The following PTPRG variants were observed in gnomAD, a reference collection of about 807,000 sequenced individuals.
The protein encoded by PTPRG is receptor-type tyrosine-protein phosphatase gamma.
A neutral mutation model predicts 165.3 loss-of-function variants in PTPRG; 102 were observed. The observed-to-expected ratio is 0.62, with a 90% CI of 0.53 to 0.73. The LOEUF is 0.73. Among genes scored for constraint, PTPRG ranks in the 30% least tolerant of loss-of-function variants. PTPRG has a pLI of 0.00. For missense variants in PTPRG, 1,866 were observed against 1,861.4 expected (o/e 1.00, Z -0.05); for synonymous variants, 675 against 669.5 (o/e 1.01, Z -0.13).
rs558123797 is a variant in PTPRG at position 62,112,842 on chromosome 3, A to C, written c.616-19760A>C. Among the ~76,000 whole-genome samples, 3 of 152,322 alleles carry C rather than the reference A, an allele frequency of 2.0e-5. No individual in the cohort carries two copies. In the South Asian group the frequency reaches 6.2e-4, roughly 32 times the overall value. Reference sequence around the variant, plus strand: ...AATGGGAAAGAAAAACAGCAACTCAAACCTGAGGTGACTTCTCCAGTTTGG... The same window carrying C: ...AATGGGAAAGAAAAACAGCAACTCACACCTGAGGTGACTTCTCCAGTTTGG... On this transcript the variant is annotated intron_variant, in intron 5 of 29. Coordinates refer to ENST00000474889, the MANE Select transcript of PTPRG (RefSeq NM_002841.4).
At chr3:61,861,503 G>A (rs1198345202) in intron 2 of PTPRG, among the ~76,000 whole-genome samples, 1 of 152,218 alleles carries the variant, frequency 6.6e-6, no homozygotes, top group Non-Finnish European at 1.5e-5. Context: ...CAAAGCTTTG[G>A]AGAAGTGCTT....
At position 61,933,736 on chromosome 3, in the gene PTPRG, T is replaced by A. The variant is rs562946476; in HGVS notation, c.191-55889T>A. Among the ~76,000 whole-genome samples, 202 of 152,296 alleles carry A rather than the reference T, an allele frequency of 1.3e-3. 1 individual carries two copies. Among genetic ancestry groups the A allele is most frequent in the African/African-American group, 4.7e-3 (197 of 41,560 alleles). ...GTTTCCTCTCCATTTTCTAGAGTGT[T>A]TTTTAGATACTGTATCTCACCAGTA... On this transcript the variant is annotated intron_variant, in intron 2 of 29. Coordinates refer to ENST00000474889, the MANE Select transcript of PTPRG (RefSeq NM_002841.4).
intron 1 of PTPRG, among the ~76,000 whole-genome samples, chr3:61,652,325 A>T (rs939754625): frequency 6.6e-5 from 10 of 152,100 alleles, no homozygotes; most frequent in Admixed American, 2.6e-4. Context: ...AATAAAAAAT[A>T]AAATGAAGAA....
intron 1 of PTPRG, among the ~76,000 whole-genome samples, chr3:61,670,391 A>G (rs960131998): frequency 2.2e-4 from 34 of 152,184 alleles, no homozygotes; most frequent in Admixed American, 1.5e-3. Context: ...TAGCTTTCAG[A>G]CATACCTGAG....
chr3:62,046,169 T>G, intron 4 of PTPRG, among the ~76,000 whole-genome samples: 1 of 152,202 alleles, frequency 6.6e-6, no homozygotes, highest in African/African-American at 2.4e-5. Flanking sequence ...GAAGGCCAGT[T>G]ATAACCTGTT....
intron 2 of PTPRG, among the ~76,000 whole-genome samples, chr3:61,889,079 T>C (rs576384191): frequency 6.6e-6 from 1 of 152,304 alleles, no homozygotes; most frequent in South Asian, 2.1e-4. Flanking sequence ...TTAAAGTGAC[T>C]TGTAAGATGA....
chr3:61,652,338 A>G (rs972565288), intron 1 of PTPRG, among the ~76,000 whole-genome samples: 6 of 152,186 alleles, frequency 3.9e-5, no homozygotes, highest in African/African-American at 1.2e-4. Context: ...ATGAAGAATC[A>G]AATAAATAGT....
chr3:61,950,428 T>A (rs182611350), intron 2 of PTPRG, among the ~76,000 whole-genome samples: 2 of 152,214 alleles, frequency 1.3e-5, no homozygotes, highest in Non-Finnish European at 2.9e-5. Context: ...ATTTTAGACA[T>A]AGTAGGTGTT....
chr3:62,186,335 G>A (rs963084594), intron 8 of PTPRG, among the ~76,000 whole-genome samples: 6 of 152,080 alleles, frequency 3.9e-5, no homozygotes, highest in Non-Finnish European at 7.3e-5. Flanking sequence ...CCCTCATTCC[G>A]TCAGAGAAAC....
chr3:61,681,075 A>AAAAAG lies in PTPRG; in HGVS notation c.86-67801_86-67800insAAGAA, dbSNP rs999333286. Among the ~76,000 whole-genome samples the AAAAAG allele has an allele frequency of 3.4e-3, 511 of 150,170 alleles. 2 individuals carry two copies. Among genetic ancestry groups the AAAAAG allele is most frequent in the African/African-American group, 0.012 (481 of 40,508 alleles). On this transcript the variant is annotated intron_variant, in intron 1 of 29. Coordinates refer to ENST00000474889, the MANE Select transcript of PTPRG (RefSeq NM_002841.4). ...GTTCTAAAAAAAAAAAAAAAAAAAA[A>AAAAAG]AAGAAGAAGAAAGTAACAATGTCCA...
At chr3:61,859,568 C>A (rs2037202896) in intron 2 of PTPRG, among the ~76,000 whole-genome samples, 1 of 151,140 alleles carries the variant, frequency 6.6e-6, no homozygotes. Context: ...ACAATTGACA[C>A]AAGGAGAGTT....
At chr3:62,116,868 C>G (rs1223239568) in intron 5 of PTPRG, among the ~76,000 whole-genome samples, 1 of 152,160 alleles carries the variant, frequency 6.6e-6, no homozygotes. Flanking sequence ...AGAGTTGTTT[C>G]CTAATGAGAC....
Position 61,831,550 on chromosome 3 carries a change from C to G in PTPRG, c.190+82568C>G, listed in dbSNP as rs188219547. On this transcript the variant is annotated intron_variant, in intron 2 of 29. Transcript: ENST00000474889. ...ACCCAGCTTAAAGTTAAAGCAGACT[C>G]AAGCCACCATTCATTCATTCTGTTG... 3.1e-3 allele frequency among the ~76,000 whole-genome samples: 479 copies of G among 152,244 alleles called. 1 individual carries two copies. Among genetic ancestry groups the G allele is most frequent in the African/African-American group, 0.011 (463 of 41,538 alleles).
chr3:61,837,166 GC>G (rs1351058652), intron 2 of PTPRG, among the ~76,000 whole-genome samples: 1 of 152,190 alleles, frequency 6.6e-6, no homozygotes, highest in East Asian at 1.9e-4. Context: ...GCCTGTCTTG[GC>G]CTCCCAAAGT....
chr3:61,621,033 G>GTGTGTGTATATATATATATATA (rs767786792), intron 1 of PTPRG, among the ~76,000 whole-genome samples: 6 of 129,992 alleles, frequency 4.6e-5, no homozygotes, highest in African/African-American at 1.4e-4. Context: ...GTGTGTGTGT[G>GTGTGTGTATATATATATATATA]TATATATATA....
chr3:61,845,781 T>G (rs988766567), intron 2 of PTPRG, among the ~76,000 whole-genome samples: 1 of 152,222 alleles, frequency 6.6e-6, no homozygotes, highest in African/African-American at 2.4e-5. Flanking sequence ...TATTAATAAG[T>G]TGTACGAAAT....
intron 4 of PTPRG, among the ~76,000 whole-genome samples, chr3:62,040,218 G>A (rs906260656): frequency 5.3e-5 from 8 of 152,136 alleles, no homozygotes; most frequent in African/African-American, 1.9e-4. Flanking sequence ...ACATACCAAA[G>A]TACATTCCAA....
intron 1 of PTPRG, among the ~76,000 whole-genome samples, chr3:61,587,741 C>T (rs1250305628): frequency 6.6e-6 from 1 of 152,176 alleles, no homozygotes; most frequent in East Asian, 1.9e-4. Flanking sequence ...ACTGCAGCCT[C>T]AACCACCTGG....
chr3:61,651,377 TA>T (rs1213641665), intron 1 of PTPRG, among the ~76,000 whole-genome samples: 1 of 151,696 alleles, frequency 6.6e-6, no homozygotes, highest in Non-Finnish European at 1.5e-5. Context: ...TTTTTTTTTT[TA>T]AGTTTCACAA....
Sources: allele counts gnomAD v4.1 joint callset (sites outside exome capture counted in the v4.1 genomes callset), GRCh38; gene constraint gnomAD v4.1.1; transcripts MANE v1.5; gene names NCBI Gene and HGNC (gene_info 2026-07-23, HGNC 2026-07-21).